Variants in ST3GAL2 observed in about 807,000 individuals in gnomAD.
ST3GAL2 encodes CMP-N-acetylneuraminate-beta-galactosamide-alpha-2,3-sialyltransferase 2.
In ST3GAL2, 16 loss-of-function variants were observed where a neutral mutation model predicts 37.5. The observed-to-expected ratio is 0.43, with a 90% confidence interval of 0.29 to 0.65. The LOEUF (loss-of-function observed/expected upper bound fraction) is 0.65. Among genes scored for constraint, ST3GAL2 ranks in the 30% least tolerant of loss-of-function variants. The pLI, the probability that ST3GAL2 is intolerant of heterozygous loss-of-function variation, is 0.17. For missense variants in ST3GAL2, 383 were observed against 487.8 expected (o/e 0.79, Z 2.02); for synonymous variants, 238 against 202.9 (o/e 1.17, Z -1.47).
chr16:70,417,146 T>C (rs1328638196), intron 1 of ST3GAL2, among the ~76,000 whole-genome samples: 1 of 152,202 alleles, frequency 6.6e-6, no homozygotes, highest in Non-Finnish European at 1.5e-5. Flanking sequence ...ATGAGGATTA[T>C]ATAAAGGCAC....
At chr16:70,433,375 A>G (rs1301475124) in intron 1 of ST3GAL2, among the ~76,000 whole-genome samples, 1 of 152,114 alleles carries the variant, frequency 6.6e-6, no homozygotes, top group Non-Finnish European at 1.5e-5. Context: ...TAGTCAGACT[A>G]AAGCCCCCTG....
At chr16:70,389,067 CTT>C (rs1312175128) in intron 3 of ST3GAL2, among the ~76,000 whole-genome samples, 15 of 105,840 alleles carry the variant, frequency 1.4e-4, no homozygotes, top group African/African-American at 4.3e-5. Flanking sequence ...GAACAAGACT[CTT>C]GTCTCCAAAA....
chr16:70,422,012 C>T (rs1442231552), intron 1 of ST3GAL2, among the ~76,000 whole-genome samples: 1 of 152,196 alleles, frequency 6.6e-6, no homozygotes, highest in Non-Finnish European at 1.5e-5. Context: ...CCAATCCTCC[C>T]GTCTCAGCCC....
At chr16:70,397,782 G>C (rs1161272095) in intron 2 of ST3GAL2, among the ~76,000 whole-genome samples, 2 of 152,058 alleles carry the variant, frequency 1.3e-5, no homozygotes, top group African/African-American at 4.8e-5. Flanking sequence ...CATAAATTAG[G>C]ATATTTAGTT....
chr16:70,396,962 G>GT (rs199929817), intron 2 of ST3GAL2, among the ~76,000 whole-genome samples: 68 of 144,612 alleles, frequency 4.7e-4, no homozygotes, highest in Admixed American at 6.9e-4. Flanking sequence ...TTCATTGCTT[G>GT]TTTTTTTTTA....
chr16:70,394,764 A>G (rs2151661871), intron 3 of ST3GAL2, among the ~76,000 whole-genome samples: 1 of 152,334 alleles, frequency 6.6e-6, no homozygotes, highest in East Asian at 1.9e-4. Context: ...AACAGAGTGC[A>G]GGCCTCAAGC....
At chr16:70,383,028 C>G in intron 5 of ST3GAL2, 104 bp from the exon 6 acceptor site, 1 of 1,584,246 alleles carries the variant, frequency 6.3e-7, no homozygotes, top group Non-Finnish European at 8.6e-7. Flanking sequence ...ACCTGTGCGT[C>G]TGTGTCTCCT....
intron 1 of ST3GAL2, among the ~76,000 whole-genome samples, chr16:70,435,794 C>CAAAATAAAATAAAATAAAAT (rs375297989): frequency 2.8e-4 from 40 of 141,338 alleles, no homozygotes; most frequent in South Asian, 9.0e-4. Context: ...AACCTCGTCT[C>CAAAATAAAATAAAATAAAAT]AAAATAAAAT....
At chr16:70,420,243 C>A (rs938527155) in intron 1 of ST3GAL2, among the ~76,000 whole-genome samples, 2 of 151,956 alleles carry the variant, frequency 1.3e-5, no homozygotes, top group South Asian at 4.2e-4. Flanking sequence ...TGGAGAAAGC[C>A]TTTTGTATGG....
chr16:70,401,033 T>C (rs2047551381), intron 1 of ST3GAL2: 1 of 152,350 alleles, frequency 6.6e-6, no homozygotes, highest in Admixed American at 6.5e-5. Context: ...GCCTGCTGCA[T>C]GCCCAACATC....
At chr16:70,407,937 C>A (rs773934546) in intron 1 of ST3GAL2, among the ~76,000 whole-genome samples, 1 of 152,048 alleles carries the variant, frequency 6.6e-6, no homozygotes, top group Non-Finnish European at 1.5e-5. Flanking sequence ...AAATAAGGCA[C>A]GGAGCCTGGG....
At chr16:70,416,248 G>A (rs546984934) in intron 1 of ST3GAL2, among the ~76,000 whole-genome samples, 9 of 152,116 alleles carry the variant, frequency 5.9e-5, no homozygotes, top group Non-Finnish European at 8.8e-5. Flanking sequence ...TTCATGCAGC[G>A]AGGTCAAGAT....
At chr16:70,385,364 G>T (rs147217145) in intron 4 of ST3GAL2, among the ~76,000 whole-genome samples, 1 of 152,090 alleles carries the variant, frequency 6.6e-6, no homozygotes, top group African/African-American at 2.4e-5. Context: ...AGTAGAATAA[G>T]GTTACCTGGG....
At chr16:70,426,253 G>A (rs1389485209) in intron 1 of ST3GAL2, among the ~76,000 whole-genome samples, 3 of 148,192 alleles carry the variant, frequency 2.0e-5, no homozygotes, top group Non-Finnish European at 4.4e-5. Flanking sequence ...GAGTGCAGTG[G>A]CGCGATCTCG....
Position 70,395,096 on chromosome 16 carries a change from G to T in ST3GAL2, c.419C>A (p.Pro140His). Residue 140 changes from proline (P) to histidine (H), a missense_variant, in exon 3 of 7, where the codon CCC (proline) becomes CAC (histidine). Physicochemically the swap from Pro to His is moderately conservative, Grantham distance 77. This residue lies in a region of ST3GAL2 where 223 missense variants were observed against 239.1 expected (regional missense o/e 0.93). Transcript: ENST00000342907. ...CTGGTGGGGGTCCCGGAAGCGGTAG[G>T]GGTTCTCGCCAGGCACTATCTGGAA... ...KLFQIVPGEN[P>H]YRFRDPHQCR... 1 of 1,613,968 alleles carries T rather than the reference G, an allele frequency of 6.2e-7. No homozygotes were observed. Among genetic ancestry groups the T allele is most frequent in the Non-Finnish European group, 8.5e-7 (1 of 1,179,968 alleles).
chr16:70,378,811 C>T lies in ST3GAL2; in HGVS notation c.*2878G>A, dbSNP rs1298321372. The T allele has an allele frequency of 6.6e-6, 1 of 152,272 alleles. No individual in the cohort carries two copies. The highest frequency in any genetic ancestry group is 1.9e-4 in the East Asian group (1 of 5,190). The allele number at this position is 152,272 out of a possible 1,614,324, so 9.4% of individuals were successfully genotyped here. On this transcript the variant is annotated 3_prime_UTR_variant, in exon 7 of 7. Transcript: ENST00000342907. ...TGGAGTTCAAGACTAGCCTGACCAA[C>T]ATGGAGAAAACCCGTCTCTACTAAA...
Position 70,399,341 on chromosome 16 carries a change from G to A in ST3GAL2, c.-811C>T. 1 of 398,796 alleles carries A rather than the reference G, an allele frequency of 2.5e-6. No individual in the cohort carries two copies. 24.7% of individuals were successfully genotyped at this position (398,796 alleles called of 1,614,324 possible). On this transcript the variant is annotated 5_prime_UTR_variant, in exon 2 of 7. Coordinates refer to ENST00000342907, the MANE Select transcript of ST3GAL2 (RefSeq NM_006927.4). Reference sequence around the variant, plus strand: ...CAGCTGCTGTTCAGCGGGGCACTGTGTCCAATACCATCTGGGTCAGGCGAG... The same window carrying A: ...CAGCTGCTGTTCAGCGGGGCACTGTATCCAATACCATCTGGGTCAGGCGAG...
intron 6 of ST3GAL2, 48 bp downstream of exon 6, chr16:70,382,757 C>G (rs544857375): frequency 1.2e-6 from 2 of 1,611,530 alleles, no homozygotes; most frequent in East Asian, 2.2e-5. Flanking sequence ...AAGGCCTGCA[C>G]TCCTCTGTTC....
chr16:70,412,333 C>T (rs1597569638), intron 1 of ST3GAL2, among the ~76,000 whole-genome samples: 1 of 152,258 alleles, frequency 6.6e-6, no homozygotes, highest in East Asian at 1.9e-4. Context: ...TTCTTTCTTA[C>T]CTCCAGTAGT....
Sources: gnomAD v4.1 joint callset for allele counts (sites outside exome capture counted in the v4.1 genomes callset) on GRCh38, gnomAD v4.1.1 for gene constraint, gnomAD v4.1.1 regional missense constraint, MANE v1.5 for transcripts, NCBI Gene and HGNC (gene_info 2026-07-23, HGNC 2026-07-21) for gene names.